The following ANGPT1 variants were observed in gnomAD, a reference collection of about 807,000 sequenced individuals.
The protein encoded by ANGPT1 is angiopoietin-1.
ANGPT1 carries 17 observed loss-of-function variants against 62.2 expected under a neutral mutation model. That is an observed-to-expected ratio of 0.27 (90% CI 0.19 to 0.41). The LOEUF is 0.41. Ranked by LOEUF, ANGPT1 falls within the 10% of genes least tolerant of loss-of-function variation. The pLI is 1.00. For missense variants in ANGPT1, 478 were observed against 594.9 expected (o/e 0.80, Z 2.04); for synonymous variants, 199 against 198.9 (o/e 1.00, Z 0.00).
chr8:107,447,110 C>T (rs1386890625), intron 1 of ANGPT1, among the ~76,000 whole-genome samples: 3 of 152,152 alleles, frequency 2.0e-5, no homozygotes, highest in Non-Finnish European at 2.9e-5. Flanking sequence ...ATTTCTACTG[C>T]GACCACCCTG....
chr8:107,486,039 A>G (rs140458618), intron 1 of ANGPT1, among the ~76,000 whole-genome samples: 130 of 152,336 alleles, frequency 8.5e-4, no homozygotes, highest in African/African-American at 3.0e-3. Flanking sequence ...TCAATCAGCA[A>G]CAGAGCCTAC....
At chr8:107,275,790 C>T (rs915079467) in intron 7 of ANGPT1, among the ~76,000 whole-genome samples, 3 of 152,126 alleles carry the variant, frequency 2.0e-5, no homozygotes, top group East Asian at 1.9e-4. Flanking sequence ...CACAGGACAT[C>T]ACCTTAGATA....
chr8:107,319,605 A>G (rs972573545), intron 4 of ANGPT1, among the ~76,000 whole-genome samples: 2 of 151,954 alleles, frequency 1.3e-5, no homozygotes, highest in South Asian at 4.1e-4. Context: ...TAAAACAAAG[A>G]AAGGCTTTAC....
At chr8:107,449,619 T>C (rs1811713514) in intron 1 of ANGPT1, among the ~76,000 whole-genome samples, 1 of 152,236 alleles carries the variant, frequency 6.6e-6, no homozygotes, top group Admixed American at 6.6e-5. Flanking sequence ...CCTATTTATT[T>C]ACCACTTCAT....
chr8:107,357,596 A>T (rs1816073820), intron 1 of ANGPT1, among the ~76,000 whole-genome samples: 1 of 152,186 alleles, frequency 6.6e-6, no homozygotes, highest in Non-Finnish European at 1.5e-5. Flanking sequence ...CATTTTCTGC[A>T]AACCACACTT....
chr8:107,324,215 A>ATGTATATATATATATGTGTG (rs1554582627), intron 3 of ANGPT1, among the ~76,000 whole-genome samples: 18 of 144,828 alleles, frequency 1.2e-4, no homozygotes, highest in African/African-American at 4.4e-4. Flanking sequence ...GTATATATAT[A>ATGTATATATATATATGTGTG]TGTGTGTGTG....
chr8:107,453,216 C>T (rs964047926), intron 1 of ANGPT1, among the ~76,000 whole-genome samples: 8 of 151,928 alleles, frequency 5.3e-5, no homozygotes, highest in African/African-American at 1.5e-4. Context: ...TCCAGAAATT[C>T]GATTTCTAAG....
chr8:107,324,698 C>A (rs1484987068), intron 3 of ANGPT1, among the ~76,000 whole-genome samples: 3 of 152,168 alleles, frequency 2.0e-5, no homozygotes, highest in Admixed American at 6.5e-5. Context: ...AGGAAAGCTG[C>A]CTGTGAAGTC....
intron 1 of ANGPT1, among the ~76,000 whole-genome samples, chr8:107,427,463 T>C (rs747924731): frequency 6.6e-6 from 1 of 152,192 alleles, no homozygotes; most frequent in Non-Finnish European, 1.5e-5. Flanking sequence ...TTGAGGTCCC[T>C]CTTCCTCCCT....
At chr8:107,320,750 G>C (rs1361902581) in intron 4 of ANGPT1, among the ~76,000 whole-genome samples, 1 of 152,014 alleles carries the variant, frequency 6.6e-6, no homozygotes, top group East Asian at 1.9e-4. Context: ...TATAACTCGA[G>C]GTAATGGAGT....
intron 1 of ANGPT1, among the ~76,000 whole-genome samples, chr8:107,412,918 A>C (rs1390840009): frequency 6.6e-6 from 1 of 152,110 alleles, no homozygotes; most frequent in East Asian, 1.9e-4. Context: ...TGGATACTAA[A>C]ATATTAAGTT....
chr8:107,359,433 G>C (rs1464951257), intron 1 of ANGPT1, among the ~76,000 whole-genome samples: 1 of 152,130 alleles, frequency 6.6e-6, no homozygotes, highest in Non-Finnish European at 1.5e-5. Context: ...TTCCCAGAGA[G>C]AGCAATTAGG....
chr8:107,320,351 G>A lies in ANGPT1; in HGVS notation c.808+1545C>T, dbSNP rs1280146369. On this transcript the variant is annotated intron_variant, in intron 4 of 8. Transcript: ENST00000517746. Reference sequence around the variant, plus strand: ...AAGTACGCAGACATATGAGCTCTGTGAGAATCACTAGGGCTTGACATCCCT... The same window carrying A: ...AAGTACGCAGACATATGAGCTCTGTAAGAATCACTAGGGCTTGACATCCCT... Among the ~76,000 whole-genome samples, 4 of 152,202 alleles carry A rather than the reference G, an allele frequency of 2.6e-5. No homozygotes were observed. The East Asian group carries it at 7.7e-4, about 29-fold the overall frequency.
intron 1 of ANGPT1, among the ~76,000 whole-genome samples, chr8:107,434,836 C>T (rs767134908): frequency 1.3e-5 from 2 of 152,110 alleles, no homozygotes; most frequent in Non-Finnish European, 2.9e-5. Context: ...AATGTCCCCA[C>T]TGAATCATGT....
At chr8:107,396,623 G>C (rs575418014) in intron 1 of ANGPT1, among the ~76,000 whole-genome samples, 1 of 136,366 alleles carries the variant, frequency 7.3e-6, no homozygotes, top group Non-Finnish European at 1.5e-5. Flanking sequence ...TGGACTTAAA[G>C]GATCTTCATG....
chr8:107,487,836 T>A (rs1258290773), intron 1 of ANGPT1, among the ~76,000 whole-genome samples: 1 of 152,186 alleles, frequency 6.6e-6, no homozygotes, highest in African/African-American at 2.4e-5. Flanking sequence ...AAAACAAGGT[T>A]AGCTAAGTAG....
chr8:107,336,351 A>AT (rs1815560679), intron 2 of ANGPT1, 80 bp from the exon 3 acceptor site: 2 of 1,498,624 alleles, frequency 1.3e-6, no homozygotes, highest in Admixed American at 5.1e-5. Context: ...GTCGTTAAAT[A>AT]TTTTTTCAAG....
intron 1 of ANGPT1, among the ~76,000 whole-genome samples, chr8:107,348,134 T>C (rs949171397): frequency 6.6e-6 from 1 of 152,196 alleles, no homozygotes; most frequent in African/African-American, 2.4e-5. Context: ...TCAGCCAGAC[T>C]TGGACTTGAG....
intron 5 of ANGPT1, among the ~76,000 whole-genome samples, chr8:107,301,326 T>C (rs1163283026): frequency 6.6e-6 from 1 of 151,962 alleles, no homozygotes; most frequent in Non-Finnish European, 1.5e-5. Flanking sequence ...GACAATAATT[T>C]AGAGGTTCTT....
Sources: gnomAD v4.1 joint callset for allele counts (sites outside exome capture counted in the v4.1 genomes callset) on GRCh38, gnomAD v4.1.1 for gene constraint, MANE v1.5 for transcripts, NCBI Gene and HGNC (gene_info 2026-07-23, HGNC 2026-07-21) for gene names.